SCAPER: variants seen among roughly 807,000 people sequenced by gnomAD.
SCAPER encodes the protein S phase cyclin A-associated protein in the endoplasmic reticulum.
In SCAPER, 98 loss-of-function variants were observed where a neutral mutation model predicts 182.2. That is an observed-to-expected ratio of 0.54 (90% CI 0.46 to 0.64). The LOEUF is 0.64. Ranked by LOEUF, SCAPER falls within the 30% of genes least tolerant of loss-of-function variation. SCAPER has a pLI of 0.00. For missense variants in SCAPER, 1,432 were observed against 1,690.0 expected (o/e 0.85, Z 2.68); for synonymous variants, 605 against 564.6 (o/e 1.07, Z -1.01).
intron 31 of SCAPER, 100 bp from the exon 32 acceptor site, chr15:76,348,836 A>G (rs2040342029): frequency 1.5e-6 from 1 of 674,808 alleles, no homozygotes; most frequent in Non-Finnish European, 2.5e-6. Flanking sequence ...TATAAAATGG[A>G]GATATCCACT....
intron 20 of SCAPER, among the ~76,000 whole-genome samples, chr15:76,674,345 T>C (rs1443868760): frequency 6.6e-6 from 1 of 152,200 alleles, no homozygotes; most frequent in African/African-American, 2.4e-5. Flanking sequence ...TCTAAGACTC[T>C]AGGTTCATGT....
At chr15:76,705,758 A>G (rs2059231436) in intron 18 of SCAPER, 145 bp downstream of exon 18, 2 of 585,802 alleles carry the variant, frequency 3.4e-6, no homozygotes, top group Non-Finnish European at 5.6e-6. Flanking sequence ...GTACTAAGTT[A>G]GAAATGATTG....
At chr15:76,846,868 GA>G (rs1341166312) in intron 4 of SCAPER, among the ~76,000 whole-genome samples, 1 of 151,972 alleles carries the variant, frequency 6.6e-6, no homozygotes, top group African/African-American at 2.4e-5. Flanking sequence ...ATACCCAAAA[GA>G]AAAGAAATCA....
At chr15:76,395,732 T>C (rs556690020) in intron 27 of SCAPER, among the ~76,000 whole-genome samples, 1 of 152,204 alleles carries the variant, frequency 6.6e-6, no homozygotes, top group African/African-American at 2.4e-5. Context: ...TGAATTCTTA[T>C]ATATTCTAGT....
chr15:76,765,945 T>C (rs908886961), intron 11 of SCAPER, among the ~76,000 whole-genome samples: 8 of 152,216 alleles, frequency 5.3e-5, no homozygotes, highest in Non-Finnish European at 7.3e-5. Context: ...TATTGAAGAA[T>C]TGAAGATTGT....
chr15:76,384,285 C>T (rs2043154094), intron 27 of SCAPER, among the ~76,000 whole-genome samples: 1 of 152,158 alleles, frequency 6.6e-6, no homozygotes, highest in South Asian at 2.1e-4. Context: ...TGGTGACTTT[C>T]CCTTTACTCT....
intron 22 of SCAPER, among the ~76,000 whole-genome samples, chr15:76,582,113 T>C (rs1389799357): frequency 2.6e-5 from 4 of 152,138 alleles, no homozygotes; most frequent in East Asian, 3.9e-4. Flanking sequence ...CCTAGACCAA[T>C]TGGACAAGAG....
intron 1 of SCAPER, among the ~76,000 whole-genome samples, chr15:76,886,073 A>G (rs1285651597): frequency 6.6e-6 from 1 of 152,168 alleles, no homozygotes; most frequent in African/African-American, 2.4e-5. Context: ...AGACATCCCC[A>G]TACTGTTTTC....
intron 29 of SCAPER, among the ~76,000 whole-genome samples, chr15:76,375,366 C>A (rs912619930): frequency 4.0e-5 from 6 of 151,656 alleles, no homozygotes; most frequent in African/African-American, 7.3e-5. Context: ...GCGGGAGAGT[C>A]CTACCCTCTC....
chr15:76,626,440 C>T (rs1597784670), intron 21 of SCAPER, among the ~76,000 whole-genome samples: 1 of 152,152 alleles, frequency 6.6e-6, no homozygotes, highest in African/African-American at 2.4e-5. Context: ...ATTCCAGCCA[C>T]GTTCGGTGGC....
chr15:76,741,546 A>G (rs1445998617), intron 15 of SCAPER, among the ~76,000 whole-genome samples: 2 of 152,122 alleles, frequency 1.3e-5, no homozygotes, highest in African/African-American at 4.8e-5. Context: ...GAGGGAGATA[A>G]AAATAAACTG....
At chr15:76,505,603 G>T (rs528743060) in intron 23 of SCAPER, among the ~76,000 whole-genome samples, 6 of 152,274 alleles carry the variant, frequency 3.9e-5, no homozygotes, top group Non-Finnish European at 7.4e-5. Context: ...AACAAATGCT[G>T]GTGAGGATGT....
intron 29 of SCAPER, among the ~76,000 whole-genome samples, chr15:76,370,328 A>C (rs1457475674): frequency 1.7e-5 from 2 of 119,090 alleles, no homozygotes; most frequent in Non-Finnish European, 1.7e-5. Context: ...TTTTAAAGAC[A>C]GAGTCTTCCT....
chr15:76,520,893 T>C (rs564032126), intron 23 of SCAPER, among the ~76,000 whole-genome samples: 4 of 152,300 alleles, frequency 2.6e-5, no homozygotes, highest in Admixed American at 2.6e-4. Context: ...ATTGTTTAAT[T>C]GAACTAAAAT....
At position 76,795,335 on chromosome 15, in the gene SCAPER, T is replaced by C; in HGVS notation, c.717A>G (p.Ile239Met). ...TTGGTGGGCAAGACTGGGCGGGTGT[T>C]ATTTCTGAAGAAGCAGTAGAGCCTG... ...HHTGSTASSE[I>M]TPAQSCPPMT... Residue 239 changes from isoleucine (I) to methionine (M), a missense_variant, in exon 8 of 32, where the codon ATA (isoleucine) becomes ATG (methionine). Coordinates refer to ENST00000563290, the MANE Select transcript of SCAPER (RefSeq NM_020843.4). 6.2e-7 allele frequency: 1 copy of C among 1,613,428 alleles called. No homozygotes were observed. The highest frequency in any genetic ancestry group is 1.1e-5 in the South Asian group (1 of 91,036).
rs150045676 is a variant in SCAPER at position 76,814,061 on chromosome 15, G to A, written c.394-9428C>T. Among the ~76,000 whole-genome samples the A allele has an allele frequency of 4.3e-3, 661 of 152,138 alleles. 5 individuals carry two copies. The highest frequency in any genetic ancestry group is 0.015 in the African/African-American group (611 of 41,492). ...CAGGTGCCTATAATCCCACATACCC[G>A]GGAGGCTGAGGCAGAAGAATTGTTT... On this transcript the variant is annotated intron_variant, in intron 5 of 31. Coordinates refer to ENST00000563290, the MANE Select transcript of SCAPER (RefSeq NM_020843.4).
At chr15:76,695,342 T>A (rs1369949951) in intron 20 of SCAPER, among the ~76,000 whole-genome samples, 3 of 152,148 alleles carry the variant, frequency 2.0e-5, no homozygotes, top group Non-Finnish European at 4.4e-5. Context: ...ATACCTGTAA[T>A]CCCAGCATTT....
At chr15:76,780,764 C>A (rs2064071988) in intron 8 of SCAPER, among the ~76,000 whole-genome samples, 2 of 152,204 alleles carry the variant, frequency 1.3e-5, no homozygotes, top group Admixed American at 1.3e-4. Flanking sequence ...GGACTTCCAG[C>A]AAACTCCAAC....
At chr15:76,584,265 G>A (rs1023873654) in intron 22 of SCAPER, among the ~76,000 whole-genome samples, 4 of 150,198 alleles carry the variant, frequency 2.7e-5, no homozygotes, top group Non-Finnish European at 4.4e-5. Flanking sequence ...GGTTACCAGA[G>A]GCTGGTAAGG....
Sources: allele counts gnomAD v4.1 joint callset (sites outside exome capture counted in the v4.1 genomes callset), GRCh38; gene constraint gnomAD v4.1.1; transcripts MANE v1.5; gene names NCBI Gene and HGNC (gene_info 2026-07-23, HGNC 2026-07-21).